Variants in SPAG16 observed in about 807,000 individuals in gnomAD.
SPAG16 encodes the protein sperm-associated antigen 16 protein.
A neutral mutation model predicts 80.4 loss-of-function variants in SPAG16; 86 were observed. The observed-to-expected ratio is 1.07, with a 90% confidence interval of 0.90 to 1.28. The LOEUF is 1.28. Ranked by LOEUF, SPAG16 falls within the 50% of genes most tolerant of loss-of-function variation. The pLI, the probability that SPAG16 is intolerant of heterozygous loss-of-function variation, is 0.00. For synonymous variants in SPAG16, 294 were observed against 265.9 expected, an observed-to-expected ratio of 1.11 and a Z score of -1.03; for missense variants, 870 against 765.3, an observed-to-expected ratio of 1.14 and a Z score of -1.61.
chr2:213,895,018 A>C (rs1296641527), intron 11 of SPAG16, among the ~76,000 whole-genome samples: 7 of 129,334 alleles, frequency 5.4e-5, no homozygotes, highest in African/African-American at 8.4e-5. Flanking sequence ...AAAAAAAAAA[A>C]ACTGAAAGAC....
rs527444918 is a variant in SPAG16, at chr2:213,725,441, A to G, written c.1071-137044A>G. ...CTAAATTCATCATCATGGAATGCCC[A>G]TCCATCCTCATTTCTGTTCTGTCTA... On this transcript the variant is annotated intron_variant, in intron 10 of 15. Coordinates refer to ENST00000331683, the MANE Select transcript of SPAG16 (RefSeq NM_024532.5). Among the ~76,000 whole-genome samples the G allele has an allele frequency of 1.6e-4, 25 of 152,314 alleles. No homozygotes were observed. The South Asian group carries it at 4.8e-3, about 29-fold the overall frequency.
At chr2:213,803,921 T>C (rs1435619504) in intron 10 of SPAG16, among the ~76,000 whole-genome samples, 1 of 152,192 alleles carries the variant, frequency 6.6e-6, no homozygotes, top group Non-Finnish European at 1.5e-5. Context: ...TCTCTAACTT[T>C]TTAGCTTTGA....
chr2:213,311,277 A>G (rs1575156068), intron 4 of SPAG16, among the ~76,000 whole-genome samples: 2 of 151,698 alleles, frequency 1.3e-5, no homozygotes, highest in East Asian at 3.8e-4. Context: ...TGTACTAGAA[A>G]ATATATTTTT....
chr2:213,702,726 AGT>A (rs1350349387), intron 10 of SPAG16, among the ~76,000 whole-genome samples: 1 of 152,210 alleles, frequency 6.6e-6, no homozygotes, highest in Non-Finnish European at 1.5e-5. Context: ...ATTACAAGGG[AGT>A]GTAATTTGAC....
At chr2:213,782,326 A>G (rs138256824) in intron 10 of SPAG16, among the ~76,000 whole-genome samples, 2 of 152,250 alleles carry the variant, frequency 1.3e-5, no homozygotes, top group Non-Finnish European at 2.9e-5. Context: ...GTAAAAGATT[A>G]TATGGAAACA....
intron 10 of SPAG16, among the ~76,000 whole-genome samples, chr2:213,725,128 G>C (rs1414199592): frequency 6.6e-6 from 1 of 151,870 alleles, no homozygotes; most frequent in African/African-American, 2.4e-5. Context: ...AACTCCCTGA[G>C]CTCAGGTGAT....
intron 10 of SPAG16, among the ~76,000 whole-genome samples, chr2:213,837,356 T>G (rs2074139901): frequency 6.6e-6 from 1 of 152,226 alleles, no homozygotes; most frequent in South Asian, 2.1e-4. Flanking sequence ...AAACATCATT[T>G]ACAGCCTGAC....
chr2:214,062,987 T>C lies in SPAG16; in HGVS notation c.1528-45209T>C, dbSNP rs56003260. Among the ~76,000 whole-genome samples, 1,425 of 152,306 alleles carry C rather than the reference T, an allele frequency of 9.4e-3. 28 individuals carry two copies. The highest frequency in any genetic ancestry group is 0.033 in the African/African-American group (1,351 of 41,564). On this transcript the variant is annotated intron_variant, in intron 13 of 15. Coordinates refer to ENST00000331683, the MANE Select transcript of SPAG16 (RefSeq NM_024532.5). ...ATGTTGAAAATAAGTGAAATTAATTTAATAACATTATATTTAACCCAACAT... is the reference window on the plus strand; with the variant it reads ...ATGTTGAAAATAAGTGAAATTAATTCAATAACATTATATTTAACCCAACAT...
intron 12 of SPAG16, among the ~76,000 whole-genome samples, chr2:213,976,583 T>C (rs1018362566): frequency 2.0e-5 from 3 of 152,050 alleles, no homozygotes; most frequent in African/African-American, 7.2e-5. Context: ...GGTATGATCA[T>C]GTGCATGGAG....
intron 5 of SPAG16, among the ~76,000 whole-genome samples, chr2:213,335,793 A>T (rs374165162): frequency 1.1e-4 from 16 of 152,270 alleles, no homozygotes; most frequent in African/African-American, 2.4e-4. Flanking sequence ...AACATTGTTT[A>T]TTTACGTGTA....
intron 10 of SPAG16, among the ~76,000 whole-genome samples, chr2:213,767,828 C>T (rs966169038): frequency 6.6e-6 from 1 of 152,096 alleles, no homozygotes; most frequent in Non-Finnish European, 1.5e-5. Flanking sequence ...AACAAATGAG[C>T]CTGCCACTGA....
At chr2:213,448,580 A>G (rs962834029) in intron 9 of SPAG16, among the ~76,000 whole-genome samples, 1 of 152,200 alleles carries the variant, frequency 6.6e-6, no homozygotes, top group Admixed American at 6.5e-5. Flanking sequence ...CTTCATCCCC[A>G]TGGCATATTT....
chr2:213,610,816 T>A (rs1440929589), intron 10 of SPAG16, among the ~76,000 whole-genome samples: 1 of 152,182 alleles, frequency 6.6e-6, no homozygotes, highest in Non-Finnish European at 1.5e-5. Context: ...CAAGGTTTTG[T>A]GGTGAAGAAT....
intron 15 of SPAG16, among the ~76,000 whole-genome samples, chr2:214,214,505 C>A (rs949159408): frequency 1.3e-5 from 2 of 152,070 alleles, no homozygotes; most frequent in African/African-American, 4.8e-5. Flanking sequence ...ATTCCTGTTC[C>A]TTCCTGGCAT....
At chr2:214,068,149 A>C (rs2050618854) in intron 13 of SPAG16, among the ~76,000 whole-genome samples, 1 of 152,126 alleles carries the variant, frequency 6.6e-6, no homozygotes, top group African/African-American at 2.4e-5. Flanking sequence ...TCTATCAATC[A>C]GTTCTTAAAA....
intron 10 of SPAG16, among the ~76,000 whole-genome samples, chr2:213,809,258 C>T (rs1418285243): frequency 2.6e-5 from 4 of 152,088 alleles, no homozygotes; most frequent in Non-Finnish European, 4.4e-5. Context: ...TATTCTCTAT[C>T]TAAGGAAATA....
chr2:213,427,509 T>C (rs2070011734), intron 9 of SPAG16, among the ~76,000 whole-genome samples: 1 of 152,224 alleles, frequency 6.6e-6, no homozygotes, highest in Non-Finnish European at 1.5e-5. Context: ...TAACTTGGAC[T>C]GTTTTGACTG....
intron 3 of SPAG16, among the ~76,000 whole-genome samples, chr2:213,301,680 A>T (rs2062745507): frequency 6.6e-6 from 1 of 152,054 alleles, no homozygotes; most frequent in South Asian, 2.1e-4. Flanking sequence ...CACCTAAAAG[A>T]TGTGTCTAAT....
chr2:213,564,816 A>T (rs1034727263), intron 10 of SPAG16, among the ~76,000 whole-genome samples: 1 of 152,158 alleles, frequency 6.6e-6, no homozygotes, highest in African/African-American at 2.4e-5. Context: ...CATGTTGTAG[A>T]TTAGGAAACT....
Sources: allele counts gnomAD v4.1 joint callset (sites outside exome capture counted in the v4.1 genomes callset), GRCh38; gene constraint gnomAD v4.1.1; transcripts MANE v1.5; gene names NCBI Gene and HGNC (gene_info 2026-07-23, HGNC 2026-07-21).